Variants in CCDC13 observed in about 807,000 individuals in gnomAD.
The protein encoded by CCDC13 is coiled-coil domain-containing protein 13.
A neutral mutation model predicts 87.3 loss-of-function variants in CCDC13; 70 were observed. The observed-to-expected ratio is 0.80, with a 90% confidence interval of 0.66 to 0.98. CCDC13 has a LOEUF of 0.98. Ranked by LOEUF, CCDC13 falls within the 50% of genes least tolerant of loss-of-function variation. CCDC13 has a pLI of 0.00. For synonymous variants in CCDC13, 317 were observed against 360.3 expected (o/e 0.88, Z 1.36); for missense variants, 842 against 892.0 (o/e 0.94, Z 0.71).
chr3:42,752,601 T>G lies in CCDC13; in HGVS notation c.487A>C (p.Asn163His), dbSNP rs1179696752. ...TCCCGCTCCAGCTCCTGGATGCGATTGGTCAGCTGCTTCACCCTGGTTTTT... is the reference window on the plus strand; with the variant it reads ...TCCCGCTCCAGCTCCTGGATGCGATGGGTCAGCTGCTTCACCCTGGTTTTT... ...GAKTRVKQLTNRIQELERELQ... is the reference protein window; with the variant it reads ...GAKTRVKQLTHRIQELERELQ... The change falls in exon 4 of 16, where the codon AAT (asparagine) becomes CAT (histidine). Residue 163 changes from asparagine to histidine, a missense_variant. Coordinates refer to ENST00000310232, the MANE Select transcript of CCDC13 (RefSeq NM_144719.4). 2 of 1,614,130 alleles carry G rather than the reference T, an allele frequency of 1.2e-6. No individual in the cohort carries two copies. Among genetic ancestry groups the G allele is most frequent in the African/African-American group, 2.7e-5 (2 of 74,944 alleles).
chr3:42,704,708 G>A (rs1416763555), downstream of CCDC13: 1 of 152,594 alleles, frequency 6.6e-6, no homozygotes, highest in East Asian at 1.9e-4. Flanking sequence ...GACAGCCTGA[G>A]GCCAGCTCCA....
chr3:42,737,678 T>C (rs1459933211), intron 9 of CCDC13, among the ~76,000 whole-genome samples: 4 of 152,252 alleles, frequency 2.6e-5, no homozygotes, highest in Non-Finnish European at 5.9e-5. Context: ...TGATGAGCAT[T>C]TTTTCAAGTG....
At chr3:42,729,472 A>T (rs1374790265) in intron 13 of CCDC13, among the ~76,000 whole-genome samples, 2 of 151,836 alleles carry the variant, frequency 1.3e-5, no homozygotes, top group African/African-American at 4.8e-5. Context: ...CAGTACCCCC[A>T]TTTTCCCTTT....
Position 42,748,589 on chromosome 3 carries a change from G to A in CCDC13, c.604-1216C>T, listed in dbSNP as rs186655098. Among the ~76,000 whole-genome samples the A allele has an allele frequency of 2.3e-3, 350 of 152,262 alleles. 3 individuals carry two copies. Among genetic ancestry groups the A allele is most frequent in the East Asian group, 3.3e-3 (17 of 5,184 alleles). ...AGACAGATCCAAGTATACTGGGTCC[G>A]GGAAGTTCCATGGACCCCAGAGGCT... On this transcript the variant is annotated intron_variant, in intron 5 of 15. Transcript: ENST00000310232.
intron 13 of CCDC13, among the ~76,000 whole-genome samples, chr3:42,723,494 T>A (rs1698614532): frequency 6.6e-6 from 1 of 152,150 alleles, no homozygotes; most frequent in Non-Finnish European, 1.5e-5. Flanking sequence ...GAGAAGTTTA[T>A]AAGGCATGTA....
rs145047440 is a variant in CCDC13, at chr3:42,709,757, C to T, written c.1915G>A (p.Glu639Lys). Residue 639 changes from glutamate to lysine, a missense_variant, in exon 15 of 16, where the codon GAG (glutamate) becomes AAG (lysine). Physicochemically the swap from Glu to Lys is moderately conservative, Grantham distance 56. Transcript: ENST00000310232. The stretch of plus-strand genomic sequence containing the variant: ...TGGGCAAAGGATGGGTCCTTCTTCT[C>T]GCTCCCGGTTGGGTTGTGCCTGTTG... ...SNNRHNPTGSEKKDPSFAQLS... is the reference protein window; with the variant it reads ...SNNRHNPTGSKKKDPSFAQLS... 6.9e-5 allele frequency: 112 copies of T among 1,614,164 alleles called. No individual in the cohort carries two copies. The African/African-American group carries it at 9.6e-4, about 14-fold the overall frequency.
At chr3:42,763,440 C>T (rs905929577) in intron 1 of CCDC13, among the ~76,000 whole-genome samples, 6 of 150,118 alleles carry the variant, frequency 4.0e-5, no homozygotes, top group Non-Finnish European at 5.9e-5. Flanking sequence ...ATTGTAGTTT[C>T]AATATCAGAT....
intron 13 of CCDC13, among the ~76,000 whole-genome samples, chr3:42,719,740 C>G (rs1323337578): frequency 1.3e-5 from 2 of 152,184 alleles, no homozygotes; most frequent in Non-Finnish European, 2.9e-5. Flanking sequence ...GCCATGCTTT[C>G]TCTTTTCACA....
chr3:42,727,662 C>A (rs145714186), intron 13 of CCDC13, among the ~76,000 whole-genome samples: 3 of 152,096 alleles, frequency 2.0e-5, no homozygotes, highest in Non-Finnish European at 4.4e-5. Flanking sequence ...GAAACAGTAA[C>A]ATGAAAGGCA....
chr3:42,705,735 G>A (rs1475003927), downstream of CCDC13, among the ~76,000 whole-genome samples: 1 of 152,168 alleles, frequency 6.6e-6, no homozygotes, highest in African/African-American at 2.4e-5. Flanking sequence ...TGCTACCCAG[G>A]AGAGGCACTG....
rs767671707 is a variant in CCDC13 at position 42,709,805 on chromosome 3, G to A, written c.1874-7C>T. The A allele has an allele frequency of 2.9e-5, 47 of 1,611,134 alleles. No individual in the cohort carries two copies. In the Admixed American group the frequency reaches 7.7e-4, roughly 26 times the overall value. On this transcript the variant is annotated splice_region_variant and splice_polypyrimidine_tract_variant and intron_variant, in intron 14 of 15. Coordinates refer to ENST00000310232, the MANE Select transcript of CCDC13 (RefSeq NM_144719.4). Reference sequence around the variant, plus strand: ...TTGTTAGAGGTGGGCAGACCTGTGGGGCAGCAGCAACCACTTTCTGTGAGG... The same window carrying A: ...TTGTTAGAGGTGGGCAGACCTGTGGAGCAGCAGCAACCACTTTCTGTGAGG...
chr3:42,741,695 C>T (rs1159576306), intron 8 of CCDC13, among the ~76,000 whole-genome samples: 2 of 152,146 alleles, frequency 1.3e-5, no homozygotes, highest in African/African-American at 4.8e-5. Context: ...CAAGATCACA[C>T]CATTGCACTC....
intron 14 of CCDC13, among the ~76,000 whole-genome samples, chr3:42,710,513 G>A (rs1698284803): frequency 6.6e-6 from 1 of 152,096 alleles, no homozygotes; most frequent in Admixed American, 6.5e-5. Context: ...GGGGATCCAG[G>A]GTCCTGGAGT....
At chr3:42,716,023 C>T (rs1367824848) in intron 13 of CCDC13, among the ~76,000 whole-genome samples, 1 of 152,198 alleles carries the variant, frequency 6.6e-6, no homozygotes, top group African/African-American at 2.4e-5. Context: ...TTGGACCCAG[C>T]TGGGTAACAT....
At chr3:42,705,482 A>G (rs1698156182), downstream of CCDC13, among the ~76,000 whole-genome samples, 1 of 152,154 alleles carries the variant, frequency 6.6e-6, no homozygotes, top group Non-Finnish European at 1.5e-5. Flanking sequence ...CAGTGCTGGA[A>G]CCTGAGCACC....
At chr3:42,764,464 G>C (rs553643883) in intron 1 of CCDC13, among the ~76,000 whole-genome samples, 50 of 152,374 alleles carry the variant, frequency 3.3e-4, no homozygotes, top group Middle Eastern at 3.4e-3. Flanking sequence ...CTGCTATGCA[G>C]AGAGTTCCTT....
Position 42,747,282 on chromosome 3 carries a change from T to G in CCDC13, c.695A>C (p.Lys232Thr). ...SDLRNQIQSV[K>T]QELRMAQKVL... is the part of the protein sequence containing the mutation. ...CTTCTGTGCCATCCGCAGCTCCTGC[T>G]TCACAGACTGGATCTGGTTTCGGAG... Residue 232 changes from lysine (K) to threonine (T), a missense_variant, in exon 6 of 16, where the codon AAG becomes ACG. By Grantham distance (78) the Lys-to-Thr change is moderately conservative. Transcript: ENST00000310232. 6.2e-7 allele frequency: 1 copy of G among 1,614,094 alleles called. No individual in the cohort carries two copies. Among genetic ancestry groups the G allele is most frequent in the Non-Finnish European group, 8.5e-7 (1 of 1,179,984 alleles).
intron 12 of CCDC13, among the ~76,000 whole-genome samples, chr3:42,732,189 C>A (rs1698853967): frequency 6.6e-6 from 1 of 152,212 alleles, no homozygotes; most frequent in African/African-American, 2.4e-5. Flanking sequence ...GCAGCTTTGG[C>A]CCACAGACCC....
chr3:42,746,899 A>T (rs1699412601), intron 6 of CCDC13: 1 of 391,276 alleles, frequency 2.6e-6, no homozygotes, highest in Non-Finnish European at 4.8e-6. Context: ...TAAGGGTGAC[A>T]TTAAGGGGAG....
Sources: allele counts gnomAD v4.1 joint callset (sites outside exome capture counted in the v4.1 genomes callset), GRCh38; gene constraint gnomAD v4.1.1; transcripts MANE v1.5; gene names NCBI Gene and HGNC (gene_info 2026-07-23, HGNC 2026-07-21).